The following NOVA2 variants were observed in gnomAD, a reference collection of about 807,000 sequenced individuals.
NOVA2 encodes the protein RNA-binding protein Nova-2.
In NOVA2, 9 loss-of-function variants were observed where a neutral mutation model predicts 22.5. The observed-to-expected ratio is 0.40, with a 90% CI of 0.24 to 0.70. NOVA2 has a LOEUF of 0.70. Ranked by LOEUF, NOVA2 falls within the 30% of genes least tolerant of loss-of-function variation. The pLI is 0.38. For synonymous variants in NOVA2, 318 were observed against 335.2 expected, an observed-to-expected ratio of 0.95 and a Z score of 0.56; for missense variants, 383 against 682.8, an observed-to-expected ratio of 0.56 and a Z score of 4.89.
intron 3 of NOVA2, among the ~76,000 whole-genome samples, chr19:45,943,502 C>A (rs2146409033): frequency 6.6e-6 from 1 of 151,518 alleles, no homozygotes; most frequent in East Asian, 2.0e-4. Context: ...TCACTTGAGC[C>A]CAGGAGTTGT....
chr19:45,951,741 G>T (rs961771033), intron 3 of NOVA2, among the ~76,000 whole-genome samples: 1 of 152,134 alleles, frequency 6.6e-6, no homozygotes, highest in Non-Finnish European at 1.5e-5. Flanking sequence ...AGGCTCCAGT[G>T]AGCCTAGATC....
chr19:45,954,003 G>T (rs1010190768), intron 2 of NOVA2, 57 bp from the exon 3 acceptor site: 2 of 1,573,972 alleles, frequency 1.3e-6, no homozygotes, highest in Admixed American at 3.4e-5. Flanking sequence ...GAACATTCCT[G>T]AGAGACAGGC....
At chr19:45,965,427 A>G (rs1422235990) in intron 1 of NOVA2, among the ~76,000 whole-genome samples, 2 of 152,192 alleles carry the variant, frequency 1.3e-5, no homozygotes, top group Admixed American at 1.3e-4. Context: ...AAGCAACTCT[A>G]GACTAAGAGT....
intron 3 of NOVA2, among the ~76,000 whole-genome samples, chr19:45,949,739 G>GTTTT: frequency 8.4e-6 from 1 of 119,636 alleles, no homozygotes; most frequent in Non-Finnish European, 1.8e-5. Flanking sequence ...ATCGTAGGTT[G>GTTTT]TTTTTTTTTT....
intron 1 of NOVA2, among the ~76,000 whole-genome samples, chr19:45,968,320 G>A (rs1968192438): frequency 6.6e-6 from 1 of 152,064 alleles, no homozygotes; most frequent in African/African-American, 2.4e-5. Context: ...CTGGCAGAGA[G>A]GGTGTGGGGT....
intron 3 of NOVA2, among the ~76,000 whole-genome samples, chr19:45,942,348 G>C (rs1469418139): frequency 6.6e-6 from 1 of 152,132 alleles, no homozygotes; most frequent in African/African-American, 2.4e-5. Flanking sequence ...GCACACAGAG[G>C]GAAGACTGTG....
Position 45,933,761 on chromosome 19 carries a change from A to G in NOVA2, c.*6102T>C, listed in dbSNP as rs1039420638. Reference sequence around the variant, plus strand: ...CTGAGATGGCGTTTATCGCGGCAAAAAAAGGTGAAGTCGCCGAGGGGAAAG... The same window carrying G: ...CTGAGATGGCGTTTATCGCGGCAAAGAAAGGTGAAGTCGCCGAGGGGAAAG... On this transcript the variant is annotated 3_prime_UTR_variant, in exon 4 of 4. Transcript: ENST00000263257. 6.6e-6 allele frequency: 1 copy of G among 151,466 alleles called. No homozygotes were observed. The highest frequency in any genetic ancestry group is 1.5e-5 in the Non-Finnish European group (1 of 67,852). 9.4% of individuals were successfully genotyped at this position (151,466 alleles called of 1,614,324 possible). A position where few individuals can be genotyped will look rare whatever the true frequency, so the allele number is the denominator to read the frequency against.
rs867495440 is a variant in NOVA2 at position 45,938,638 on chromosome 19, G to C, written c.*1225C>G. 1 of 152,286 alleles carries C rather than the reference G, an allele frequency of 6.6e-6. No homozygotes were observed. Among genetic ancestry groups the C allele is most frequent in the Admixed American group, 6.5e-5 (1 of 15,274 alleles). The allele number at this position is 152,286 out of a possible 1,614,324, so 9.4% of individuals were successfully genotyped here. On this transcript the variant is annotated 3_prime_UTR_variant, in exon 4 of 4. Coordinates refer to ENST00000263257, the MANE Select transcript of NOVA2 (RefSeq NM_002516.4). ...CCACCCCTCCCTCCAGGGCGAGTTCGCAGACTTGACGTGTTTGAATGGAGA... is the reference window on the plus strand; with the variant it reads ...CCACCCCTCCCTCCAGGGCGAGTTCCCAGACTTGACGTGTTTGAATGGAGA...
intron 2 of NOVA2, among the ~76,000 whole-genome samples, chr19:45,955,185 ATG>A (rs1261647514): frequency 3.3e-5 from 5 of 152,144 alleles, no homozygotes; most frequent in Non-Finnish European, 7.3e-5. Flanking sequence ...ATGGCAGTGT[ATG>A]TGTCTGCATT....
At chr19:45,956,185 T>A (rs1181595338) in intron 2 of NOVA2, among the ~76,000 whole-genome samples, 1 of 147,808 alleles carries the variant, frequency 6.8e-6, no homozygotes, top group Non-Finnish European at 1.5e-5. Flanking sequence ...CAAGGGTGAG[T>A]CAGCCTGCAG....
chr19:45,968,255 C>G (rs1047202712), intron 1 of NOVA2, among the ~76,000 whole-genome samples: 2 of 151,216 alleles, frequency 1.3e-5, no homozygotes, highest in African/African-American at 2.4e-5. Flanking sequence ...TATGAGGGTA[C>G]GAGGAGGCTG....
At chr19:45,961,570 G>C (rs1968097033) in intron 1 of NOVA2, among the ~76,000 whole-genome samples, 1 of 152,108 alleles carries the variant, frequency 6.6e-6, no homozygotes, top group Non-Finnish European at 1.5e-5. Flanking sequence ...GTCAGAGAGG[G>C]AGGCCAGGGA....
In NOVA2 at chr19:45,973,383, TGCG is replaced by T; in HGVS notation, c.-35_-33del. ...GGCCTGGGGCGGCGGCTGCTGCTGC[TGCG>T]GCGGCTGCGGCGGCGGCGGCGGCGG... On this transcript the variant is annotated 5_prime_UTR_variant, in exon 1 of 4. Transcript: ENST00000263257. The T allele has an allele frequency of 1.7e-6, 1 of 594,788 alleles. No homozygotes were observed. The highest frequency in any genetic ancestry group is 2.3e-6 in the Non-Finnish European group (1 of 439,020). The allele number at this position is 594,788 out of a possible 1,614,324, so 36.8% of individuals were successfully genotyped here.
At chr19:45,952,564 C>T (rs145683873) in intron 3 of NOVA2, among the ~76,000 whole-genome samples, 1 of 152,338 alleles carries the variant, frequency 6.6e-6, no homozygotes, top group East Asian at 1.9e-4. Context: ...GGTGCTGACC[C>T]CATTTTCCTT....
intron 2 of NOVA2, among the ~76,000 whole-genome samples, chr19:45,959,848 G>C (rs909385814): frequency 7.1e-6 from 1 of 141,180 alleles, no homozygotes. Context: ...GAGAGAAAGA[G>C]AGAGAGAGAA....
In NOVA2 at chr19:45,946,656, G is replaced by A. The variant is rs1361847324; in HGVS notation, c.397-5711C>T. Among the ~76,000 whole-genome samples the A allele has an allele frequency of 4.6e-5, 7 of 151,952 alleles. No homozygotes were observed. The East Asian group carries it at 1.2e-3, about 25-fold the overall frequency. The stretch of plus-strand genomic sequence containing the variant: ...TGGGAGGCCAAGGCGGGCGGATCAC[G>A]AGGTCAGGAGATCGAGACCATCCTG... On this transcript the variant is annotated intron_variant, in intron 3 of 3. Coordinates refer to ENST00000263257, the MANE Select transcript of NOVA2 (RefSeq NM_002516.4).
At chr19:45,958,110 CAAAA>C (rs33945455) in intron 2 of NOVA2, among the ~76,000 whole-genome samples, 2 of 87,662 alleles carry the variant, frequency 2.3e-5, no homozygotes, top group Admixed American at 1.4e-4. Flanking sequence ...GACTCCGTCT[CAAAA>C]AAAAAAAAAA....
intron 2 of NOVA2, among the ~76,000 whole-genome samples, chr19:45,959,695 G>GGA (rs146063602): frequency 1.5e-4 from 23 of 149,108 alleles, no homozygotes; most frequent in South Asian, 6.3e-4. Flanking sequence ...GGTGGATGGT[G>GGA]GAGAGAGAGA....
chr19:45,954,062 G>T, intron 2 of NOVA2, 116 bp from the exon 3 acceptor site: 1 of 1,139,212 alleles, frequency 8.8e-7, no homozygotes, highest in Non-Finnish European at 1.3e-6. Flanking sequence ...GGACCTGACT[G>T]ATCACACGGT....
Sources: allele counts gnomAD v4.1 joint callset (sites outside exome capture counted in the v4.1 genomes callset), GRCh38; gene constraint gnomAD v4.1.1; transcripts MANE v1.5; gene names NCBI Gene and HGNC (gene_info 2026-07-23, HGNC 2026-07-21).